Variants in HMCN1 observed in about 807,000 individuals in gnomAD.
HMCN1 encodes the protein hemicentin 1.
Under a neutral mutation model 625.9 loss-of-function variants are expected in HMCN1, and 321 were observed. The observed-to-expected ratio is 0.51, with a 90% CI of 0.47 to 0.56. The LOEUF is 0.56. Ranked by LOEUF, HMCN1 falls within the 20% of genes least tolerant of loss-of-function variation. HMCN1 has a pLI of 0.00. For missense variants in HMCN1, 6,588 were observed against 6,887.3 expected (o/e 0.96, Z 1.54); for synonymous variants, 2,425 against 2,417.6 (o/e 1.00, Z -0.09).
chr1:185,899,003 C>T (rs1030822001), intron 4 of HMCN1, among the ~76,000 whole-genome samples: 1 of 152,014 alleles, frequency 6.6e-6, no homozygotes, highest in African/African-American at 2.4e-5. Flanking sequence ...GGCAATAAAA[C>T]TTAAGCTTCA....
chr1:185,949,454 G>A (rs925390059), intron 11 of HMCN1, among the ~76,000 whole-genome samples: 6 of 151,882 alleles, frequency 4.0e-5, no homozygotes, highest in Non-Finnish European at 8.8e-5. Context: ...TAAAAGTATT[G>A]TCCAGTCCTT....
intron 77 of HMCN1, among the ~76,000 whole-genome samples, chr1:186,118,208 G>T (rs1276482381): frequency 1.3e-5 from 2 of 151,834 alleles, no homozygotes; most frequent in African/African-American, 4.8e-5. Context: ...GATTCACGTT[G>T]GTGTTTCTAA....
Position 186,027,109 on chromosome 1 carries a change from C to A in HMCN1, c.5749+3956C>A, listed in dbSNP as rs184844869. On this transcript the variant is annotated intron_variant, in intron 36 of 106. Transcript: ENST00000271588. ...ATGCTACCATTCTTCTTAGTCATAGCAAAGGCTGTTTCTCAAAGCTGTAGT... is the reference window on the plus strand; with the variant it reads ...ATGCTACCATTCTTCTTAGTCATAGAAAAGGCTGTTTCTCAAAGCTGTAGT... 5.9e-5 allele frequency among the ~76,000 whole-genome samples: 9 copies of A among 152,294 alleles called. 1 individual carries two copies. Among genetic ancestry groups the A allele is most frequent in the Admixed American group, 4.6e-4 (7 of 15,294 alleles).
chr1:185,999,711 A>T (rs976116585), intron 25 of HMCN1, among the ~76,000 whole-genome samples: 2 of 152,050 alleles, frequency 1.3e-5, no homozygotes, highest in Admixed American at 1.3e-4. Context: ...CTCTCCCCAC[A>T]TCCAGTCCGT....
intron 44 of HMCN1, 67 bp downstream of exon 44, chr1:186,054,053 T>G: frequency 6.9e-7 from 1 of 1,453,086 alleles, no homozygotes; most frequent in South Asian, 1.1e-5. Flanking sequence ...TCTCATTTAC[T>G]TTTAAAAATA....
At chr1:186,110,977 C>CCTTTTTTTTTTTTTTTTTTTTT (rs1660847379) in intron 71 of HMCN1, among the ~76,000 whole-genome samples, 2 of 61,648 alleles carry the variant, frequency 3.2e-5, no homozygotes, top group African/African-American at 2.0e-4. Flanking sequence ...AGAGAAAATT[C>CCTTTTTTTTTTTTTTTTTTTTT]TTTTTTTTTT....
chr1:185,914,561 A>T (rs188081223), intron 6 of HMCN1, among the ~76,000 whole-genome samples: 1 of 152,150 alleles, frequency 6.6e-6, no homozygotes, highest in Middle Eastern at 3.4e-3. Context: ...TTTGTCAAAT[A>T]TAATTTTGTA....
At chr1:186,030,232 C>G (rs935380656) in intron 36 of HMCN1, among the ~76,000 whole-genome samples, 2 of 152,034 alleles carry the variant, frequency 1.3e-5, no homozygotes, top group African/African-American at 4.8e-5. Flanking sequence ...TGCAAGTCTT[C>G]TATCTTTTTA....
intron 4 of HMCN1, among the ~76,000 whole-genome samples, chr1:185,878,233 T>C (rs567945282): frequency 2.0e-4 from 31 of 152,272 alleles, no homozygotes; most frequent in African/African-American, 7.5e-4. Context: ...ATGCTTTTCA[T>C]TTTTTAATCT....
chr1:186,108,868 C>T (rs974840084), intron 71 of HMCN1, among the ~76,000 whole-genome samples: 5 of 152,158 alleles, frequency 3.3e-5, no homozygotes, highest in Admixed American at 6.5e-5. Flanking sequence ...TATTTCCTAG[C>T]GCCCATGCAT....
intron 39 of HMCN1, among the ~76,000 whole-genome samples, 167 bp from the exon 40 acceptor site, chr1:186,040,846 G>T (rs1656153842): frequency 6.6e-6 from 1 of 152,054 alleles, no homozygotes. Flanking sequence ...CCACTGAGAA[G>T]ATGAAAAGGG....
At chr1:186,173,816 G>C (rs1330566874) in intron 102 of HMCN1, among the ~76,000 whole-genome samples, 1 of 152,072 alleles carries the variant, frequency 6.6e-6, no homozygotes, top group African/African-American at 2.4e-5. Context: ...CAAAAATCTA[G>C]CTAAGTGGGA....
chr1:186,000,367 G>A (rs1653095559), intron 26 of HMCN1, 128 bp downstream of exon 26: 1 of 710,098 alleles, frequency 1.4e-6, no homozygotes, highest in Non-Finnish European at 2.5e-6. Context: ...CAGAAATCTG[G>A]TGGTATGATT....
At chr1:185,830,115 A>G (rs1005000773) in intron 1 of HMCN1, among the ~76,000 whole-genome samples, 2 of 151,848 alleles carry the variant, frequency 1.3e-5, no homozygotes, top group Non-Finnish European at 2.9e-5. Context: ...TCTTGTAAAT[A>G]TGTTTAAGTT....
intron 55 of HMCN1, 57 bp from the exon 56 acceptor site, chr1:186,081,150 C>A: frequency 2.1e-6 from 3 of 1,409,202 alleles, no homozygotes; most frequent in Non-Finnish European, 3.0e-6. Flanking sequence ...AGAAAATTAG[C>A]ATGATTTAGA....
chr1:185,952,066 G>A (rs1235915535), intron 11 of HMCN1, among the ~76,000 whole-genome samples: 1 of 151,766 alleles, frequency 6.6e-6, no homozygotes, highest in African/African-American at 2.4e-5. Flanking sequence ...AGCGTTTCAG[G>A]GTTGCTGCCA....
intron 15 of HMCN1, 23 bp from the exon 16 acceptor site, chr1:185,977,764 T>C (rs766273508): frequency 6.0e-6 from 9 of 1,508,812 alleles, no homozygotes; most frequent in African/African-American, 1.4e-5. Context: ...GATGACTTAT[T>C]TGTTGTTTGT....
intron 40 of HMCN1, among the ~76,000 whole-genome samples, chr1:186,041,445 GC>G (rs1656200661): frequency 1.3e-5 from 2 of 152,074 alleles, no homozygotes; most frequent in Admixed American, 1.3e-4. Flanking sequence ...CATCACTGAA[GC>G]AAGTATCTGT....
chr1:185,760,941 G>T (rs1324625302), intron 1 of HMCN1, among the ~76,000 whole-genome samples: 1 of 152,140 alleles, frequency 6.6e-6, no homozygotes, highest in Non-Finnish European at 1.5e-5. Context: ...GTGGATCCAA[G>T]ATTTGAAACC....
Sources: gnomAD v4.1 joint callset for allele counts (sites outside exome capture counted in the v4.1 genomes callset) on GRCh38, gnomAD v4.1.1 for gene constraint, MANE v1.5 for transcripts, NCBI Gene and HGNC (gene_info 2026-07-23, HGNC 2026-07-21) for gene names.